Variants in DGUOK observed in about 807,000 individuals in gnomAD.
DGUOK encodes the protein deoxyguanosine kinase, mitochondrial.
Under a neutral mutation model 36.6 loss-of-function variants are expected in DGUOK, and 30 were observed. The ratio of observed to expected loss-of-function variants is 0.82; its 90% confidence interval spans 0.61 to 1.11. The LOEUF is 1.11. Among genes scored for constraint, DGUOK ranks in the 50% most tolerant of loss-of-function variants. DGUOK has a pLI of 0.00. For synonymous variants in DGUOK, 145 were observed against 126.3 expected, an observed-to-expected ratio of 1.15 and a Z score of -0.99; for missense variants, 361 against 336.4, an observed-to-expected ratio of 1.07 and a Z score of -0.57.
chr2:73,943,963 T>G (rs1369438520), intron 2 of DGUOK, among the ~76,000 whole-genome samples: 1 of 152,076 alleles, frequency 6.6e-6, no homozygotes, highest in South Asian at 2.1e-4. Context: ...GAGAATTTCT[T>G]AAGCTGATAC....
intron 1 of DGUOK, among the ~76,000 whole-genome samples, chr2:73,934,165 T>C (rs1295904321): frequency 6.6e-6 from 1 of 152,184 alleles, no homozygotes; most frequent in Non-Finnish European, 1.5e-5. Flanking sequence ...TAGCATTACA[T>C]AGCTATGGTA....
intron 2 of DGUOK, 33 bp from the exon 3 acceptor site, chr2:73,946,685 AG>A: frequency 6.2e-7 from 1 of 1,605,722 alleles, no homozygotes; most frequent in Non-Finnish European, 8.5e-7. Context: ...TATGCTTTCT[AG>A]GAAATTTTCT....
chr2:73,956,537 C>G (rs544118634), intron 4 of DGUOK, among the ~76,000 whole-genome samples: 99 of 152,234 alleles, frequency 6.5e-4, no homozygotes, highest in Admixed American at 1.0e-3. Context: ...TTGCCAGGAG[C>G]TCAATACAAC....
chr2:73,949,991 G>C (rs1177417563), intron 3 of DGUOK, among the ~76,000 whole-genome samples: 2 of 152,196 alleles, frequency 1.3e-5, no homozygotes, highest in Admixed American at 1.3e-4. Context: ...TTTTGCAGGA[G>C]AGTCTGCTTT....
Position 73,927,047 on chromosome 2 carries a change from A to G in DGUOK, c.137A>G (p.Asn46Ser), listed in dbSNP as rs763615602. ...RGPRRLSIEG[N>S]IAVGKSTFVK... ...CCCCGAAGGCTCTCCATCGAAGGCA[A>G]CATTGGTAAGGGCCGGAAAGCGGCT... is the stretch of plus-strand genomic sequence containing the variant. The change falls in exon 1 of 7, where the codon AAC (asparagine) becomes AGC (serine). Residue 46 changes from asparagine (N) to serine (S), a missense_variant. Physicochemically the swap from Asn to Ser is conservative, Grantham distance 46. Transcript: ENST00000264093. The G allele has an allele frequency of 1.7e-5, 27 of 1,608,694 alleles. No homozygotes were observed. Among genetic ancestry groups the G allele is most frequent in the Non-Finnish European group, 2.2e-5 (26 of 1,179,994 alleles).
chr2:73,928,019 A>G (rs1680735639), intron 1 of DGUOK, among the ~76,000 whole-genome samples: 1 of 152,248 alleles, frequency 6.6e-6, no homozygotes, highest in Non-Finnish European at 1.5e-5. Context: ...ATGGAACTCA[A>G]GTAGGGAGAG....
At chr2:73,955,315 G>A (rs1161525152) in intron 4 of DGUOK, among the ~76,000 whole-genome samples, 1 of 152,200 alleles carries the variant, frequency 6.6e-6, no homozygotes, top group Non-Finnish European at 1.5e-5. Flanking sequence ...AAAGGAAAAT[G>A]AGATGATAGC....
At chr2:73,955,402 G>C (rs1683014532) in intron 4 of DGUOK, among the ~76,000 whole-genome samples, 1 of 152,188 alleles carries the variant, frequency 6.6e-6, no homozygotes, top group Non-Finnish European at 1.5e-5. Context: ...AGGCAGTCTG[G>C]CAGTATATAA....
At chr2:73,953,909 G>A (rs1682897323) in intron 4 of DGUOK, among the ~76,000 whole-genome samples, 1 of 151,860 alleles carries the variant, frequency 6.6e-6, no homozygotes, top group Non-Finnish European at 1.5e-5. Flanking sequence ...TTTTAGTAGA[G>A]ACGGGGTTTC....
chr2:73,957,263 A>G, intron 5 of DGUOK, 23 bp downstream of exon 5: 2 of 1,587,154 alleles, frequency 1.3e-6, no homozygotes, highest in Non-Finnish European at 1.7e-6. Context: ...AAAAGAATGT[A>G]TCAGAGACAG....
chr2:73,950,415 G>A lies in DGUOK; in HGVS notation c.444-170G>A, dbSNP rs11884185. Among the ~76,000 whole-genome samples the A allele has an allele frequency of 0.053, 8,063 of 152,170 alleles. 603 individuals carry two copies. The highest frequency in any genetic ancestry group is 0.17 in the African/African-American group (6,859 of 41,482). ...GTACTGAGCAGGGAGGGAGATATGG[G>A]TTAAGAATTCAGATTTCTTAAGGAT... On this transcript the variant is annotated intron_variant, in intron 3 of 6. Coordinates refer to ENST00000264093, the MANE Select transcript of DGUOK (RefSeq NM_080916.3).
intron 1 of DGUOK, among the ~76,000 whole-genome samples, chr2:73,931,057 A>G (rs562191927): frequency 9.9e-5 from 15 of 152,012 alleles, no homozygotes; most frequent in East Asian, 5.8e-4. Flanking sequence ...CGGCCTCCCA[A>G]AGTGCTGGGA....
intron 4 of DGUOK, among the ~76,000 whole-genome samples, chr2:73,956,636 T>G (rs187847739): frequency 1.3e-5 from 2 of 152,296 alleles, no homozygotes; most frequent in East Asian, 3.9e-4. Context: ...GGCAGGAATT[T>G]ACTCCTGGAC....
At chr2:73,956,975 G>GGTGGCCGA in intron 4 of DGUOK, 150 bp from the exon 5 acceptor site, 3 of 568,346 alleles carry the variant, frequency 5.3e-6, no homozygotes, top group South Asian at 2.2e-5. Flanking sequence ...TAGATCCTCT[G>GGTGGCCGA]ATTGCATAAG....
intron 3 of DGUOK, among the ~76,000 whole-genome samples, chr2:73,948,766 G>A (rs193302037): frequency 1.3e-5 from 2 of 152,232 alleles, no homozygotes; most frequent in Admixed American, 1.3e-4. Flanking sequence ...AGATCCTTAT[G>A]CCCTGTTCTG....
rs1035789535 is a variant in DGUOK, at chr2:73,957,685, T to C, written c.707+445T>C. ...TGAGATGCCCAGAAGAAGTTTAATA[T>C]TGAATATAATCTTTACATTCCAAGG... On this transcript the variant is annotated intron_variant, in intron 5 of 6. Coordinates refer to ENST00000264093, the MANE Select transcript of DGUOK (RefSeq NM_080916.3). Among the ~76,000 whole-genome samples, 4 of 152,348 alleles carry C rather than the reference T, an allele frequency of 2.6e-5. No homozygotes were observed. In the East Asian group the frequency reaches 7.7e-4, roughly 29 times the overall value.
At chr2:73,947,146 C>T (rs1356125975) in intron 3 of DGUOK, 4 of 541,450 alleles carry the variant, frequency 7.4e-6, no homozygotes, top group East Asian at 6.8e-5. Context: ...TACATTGCTA[C>T]TGATTACCTT....
intron 1 of DGUOK, among the ~76,000 whole-genome samples, chr2:73,936,787 TGGA>T (rs1377990528): frequency 2.6e-5 from 4 of 152,222 alleles, no homozygotes; most frequent in African/African-American, 9.6e-5. Flanking sequence ...TTTTCTACCC[TGGA>T]GGAGCCCCAT....
intron 4 of DGUOK, among the ~76,000 whole-genome samples, chr2:73,955,902 G>C (rs554647217): frequency 1.6e-4 from 24 of 152,116 alleles, no homozygotes; most frequent in Non-Finnish European, 2.8e-4. Flanking sequence ...CTAAATCAGT[G>C]GGTTAATCCA....
Sources: gnomAD v4.1 joint callset for allele counts (sites outside exome capture counted in the v4.1 genomes callset) on GRCh38, gnomAD v4.1.1 for gene constraint, MANE v1.5 for transcripts, NCBI Gene and HGNC (gene_info 2026-07-23, HGNC 2026-07-21) for gene names.